Variants in ASAP1 observed in about 807,000 individuals in gnomAD.
The protein encoded by ASAP1 is ArfGAP with SH3 domain, ankyrin repeat and PH domain 1, also known as arf-GAP with SH3 domain, ANK repeat and PH domain-containing protein 1.
Under a neutral mutation model 145.2 loss-of-function variants are expected in ASAP1, and 43 were observed. That is an observed-to-expected ratio of 0.30 (90% confidence interval 0.23 to 0.38). ASAP1 has a LOEUF of 0.38. Among genes scored for constraint, ASAP1 ranks in the 10% least tolerant of loss-of-function variants. ASAP1 has a pLI of 1.00. For synonymous variants in ASAP1, 546 were observed against 515.5 expected (o/e 1.06, Z -0.80); for missense variants, 1,018 against 1,355.3 (o/e 0.75, Z 3.91).
intron 28 of ASAP1, among the ~76,000 whole-genome samples, chr8:130,059,618 G>A (rs1193334604): frequency 6.6e-6 from 1 of 152,208 alleles, no homozygotes; most frequent in Admixed American, 6.5e-5. Context: ...AGAATGTGAG[G>A]CAGGTAGAGC....
At chr8:130,265,684 C>A (rs1475836042) in intron 3 of ASAP1, among the ~76,000 whole-genome samples, 1 of 151,928 alleles carries the variant, frequency 6.6e-6, no homozygotes, top group African/African-American at 2.4e-5. Flanking sequence ...AGACCAGCGA[C>A]CAGCTTGGGC....
chr8:130,214,808 G>A (rs541038335), intron 4 of ASAP1, 107 bp from the exon 5 acceptor site: 4 of 953,262 alleles, frequency 4.2e-6, no homozygotes, highest in South Asian at 3.7e-5. Flanking sequence ...AGCATAAACT[G>A]TATCAATTAT....
At chr8:130,108,114 T>C (rs915917396) in intron 24 of ASAP1, among the ~76,000 whole-genome samples, 5 of 152,252 alleles carry the variant, frequency 3.3e-5, no homozygotes, top group African/African-American at 9.6e-5. Flanking sequence ...CAAGCATCTA[T>C]TGACGCTCTC....
At chr8:130,325,062 A>G (rs534629508) in intron 3 of ASAP1, among the ~76,000 whole-genome samples, 1 of 152,242 alleles carries the variant, frequency 6.6e-6, no homozygotes, top group South Asian at 2.1e-4. Flanking sequence ...TAACCCAAAC[A>G]TGCCTATACA....
chr8:130,388,447 C>T (rs1565273532), intron 2 of ASAP1, among the ~76,000 whole-genome samples: 1 of 152,166 alleles, frequency 6.6e-6, no homozygotes, highest in African/African-American at 2.4e-5. Context: ...GCCTGCTAGA[C>T]TTCCAAATGG....
At chr8:130,315,467 T>C (rs529838767) in intron 3 of ASAP1, among the ~76,000 whole-genome samples, 15 of 152,250 alleles carry the variant, frequency 9.9e-5, no homozygotes, top group African/African-American at 3.4e-4. Context: ...CCACTAATAA[T>C]GTTCAGAATT....
chr8:130,197,470 CT>C (rs1273178024), intron 5 of ASAP1, among the ~76,000 whole-genome samples: 1 of 152,086 alleles, frequency 6.6e-6, no homozygotes, highest in Non-Finnish European at 1.5e-5. Context: ...AAGAAAAGAA[CT>C]GACACCAATG....
intron 26 of ASAP1, among the ~76,000 whole-genome samples, chr8:130,077,538 T>C (rs1018336180): frequency 2.6e-3 from 30 of 11,688 alleles, no homozygotes; most frequent in Non-Finnish European, 3.3e-3. Flanking sequence ...CTGCTGCTGC[T>C]TTTTTTTTTT....
chr8:130,092,184 G>C (rs374620610), intron 24 of ASAP1, 41 bp from the exon 25 acceptor site: 85 of 1,542,326 alleles, frequency 5.5e-5, no homozygotes, highest in Non-Finnish European at 6.9e-5. Context: ...ATTAATCCCA[G>C]TCTCACAGAT....
intron 4 of ASAP1, among the ~76,000 whole-genome samples, chr8:130,216,479 C>T (rs1179174605): frequency 2.0e-5 from 3 of 152,214 alleles, no homozygotes; most frequent in Non-Finnish European, 4.4e-5. Context: ...CAATAACCCC[C>T]ACTGCCTTGA....
intron 3 of ASAP1, among the ~76,000 whole-genome samples, chr8:130,323,338 A>C (rs150593568): frequency 6.6e-6 from 1 of 152,362 alleles, no homozygotes; most frequent in African/African-American, 2.4e-5. Context: ...TAGTGTAAAG[A>C]AACAAGAGGG....
chr8:130,273,448 C>A (rs1037732005), intron 3 of ASAP1, among the ~76,000 whole-genome samples: 1 of 152,072 alleles, frequency 6.6e-6, no homozygotes, highest in Non-Finnish European at 1.5e-5. Flanking sequence ...CAAGGAACTG[C>A]GGGGGACATG....
At chr8:130,390,445 G>A (rs1366851637) in intron 2 of ASAP1, among the ~76,000 whole-genome samples, 1 of 152,164 alleles carries the variant, frequency 6.6e-6, no homozygotes, top group Non-Finnish European at 1.5e-5. Flanking sequence ...ACTCAGTCAA[G>A]ATTTCCCGGA....
At chr8:130,422,202 T>G (rs796222908) in intron 1 of ASAP1, among the ~76,000 whole-genome samples, 1 of 151,940 alleles carries the variant, frequency 6.6e-6, no homozygotes, top group Non-Finnish European at 1.5e-5. Flanking sequence ...CTGAGGGGGA[T>G]GGGCACATCT....
chr8:130,250,545 A>G (rs1165852239), intron 3 of ASAP1, among the ~76,000 whole-genome samples: 1 of 152,210 alleles, frequency 6.6e-6, no homozygotes, highest in Admixed American at 6.5e-5. Flanking sequence ...CTCCACTTCA[A>G]TTATGAGTTT....
chr8:130,210,769 T>C (rs1306856127), intron 5 of ASAP1, among the ~76,000 whole-genome samples: 1 of 152,254 alleles, frequency 6.6e-6, no homozygotes, highest in Non-Finnish European at 1.5e-5. Context: ...TGCAGGTATA[T>C]ATTTTTTGAA....
intron 3 of ASAP1, among the ~76,000 whole-genome samples, chr8:130,341,581 T>C (rs1353080669): frequency 2.6e-5 from 4 of 152,174 alleles, no homozygotes; most frequent in Non-Finnish European, 5.9e-5. Flanking sequence ...GGATAAAATA[T>C]GTGTCAACAG....
chr8:130,418,539 A>AAAATAAATAAATAAATAAAT (rs71572335), intron 1 of ASAP1, among the ~76,000 whole-genome samples: 2 of 147,640 alleles, frequency 1.4e-5, no homozygotes, highest in African/African-American at 2.5e-5. Context: ...CCTCTGTCTC[A>AAAATAAATAAATAAATAAAT]AAATAAATAA....
Position 130,364,528 on chromosome 8 carries a change from T to C in ASAP1, c.60-6385A>G, listed in dbSNP as rs916293980. On this transcript the variant is annotated intron_variant, in intron 2 of 29. Transcript: ENST00000518721. ...TAGCCCATGTGATCAGCCACCATGC[T>C]CTGTTGGCTTATCAAAGACAATGGA... 2.6e-5 allele frequency among the ~76,000 whole-genome samples: 4 copies of C among 152,194 alleles called. No homozygotes were observed. In the East Asian group the frequency reaches 7.7e-4, roughly 29 times the overall value.
Sources: gnomAD v4.1 joint callset for allele counts (sites outside exome capture counted in the v4.1 genomes callset) on GRCh38, gnomAD v4.1.1 for gene constraint, MANE v1.5 for transcripts, NCBI Gene and HGNC (gene_info 2026-07-23, HGNC 2026-07-21) for gene names.